Variants in POLR1D observed in about 807,000 individuals in gnomAD.
POLR1D encodes the protein DNA-directed RNA polymerases I and III subunit RPAC2.
In POLR1D, 8 loss-of-function variants were observed where a neutral mutation model predicts 10.8. That is an observed-to-expected ratio of 0.74 (90% CI 0.43 to 1.33). POLR1D has a LOEUF of 1.33. POLR1D is among the 40% of genes most tolerant of loss of function. The probability of loss-of-function intolerance (pLI) is 0.01; values close to 1 mark genes in which losing one functional copy is unlikely to be tolerated. For missense variants in POLR1D, 152 were observed against 161.7 expected, an observed-to-expected ratio of 0.94 and a Z score of 0.32; for synonymous variants, 54 against 57.2, an observed-to-expected ratio of 0.94 and a Z score of 0.25.
At chr13:27,627,727 GTTTTTTTTT>G (rs57621806), downstream of POLR1D, among the ~76,000 whole-genome samples, 16 of 95,424 alleles carry the variant, frequency 1.7e-4, no homozygotes, top group African/African-American at 4.8e-4. Flanking sequence ...TAAAGTTTTA[GTTTTTTTTT>G]TTTTTTTTTT....
intron 2 of POLR1D, chr13:27,661,064 G>A (rs1171053996): frequency 2.0e-5 from 3 of 152,208 alleles, no homozygotes; most frequent in African/African-American, 7.2e-5. Context: ...CAGCAAGAGA[G>A]ACAAAAAAGA....
At chr13:27,630,800 T>C (rs1006269949) in intron 1 of POLR1D, among the ~76,000 whole-genome samples, 14 of 152,242 alleles carry the variant, frequency 9.2e-5, no homozygotes, top group African/African-American at 1.7e-4. Context: ...GTTAAACTTA[T>C]GGTCTTCATA....
chr13:27,628,833 CTTTT>C, intron 1 of POLR1D, among the ~76,000 whole-genome samples: 1 of 152,088 alleles, frequency 6.6e-6, no homozygotes, highest in Non-Finnish European at 1.5e-5. Flanking sequence ...TTTTATTCTT[CTTTT>C]GAGACAGTCG....
chr13:27,649,932 AT>A (rs111878064), intron 2 of POLR1D: 17,793 of 397,034 alleles, frequency 0.045, 461 homozygotes, highest in Non-Finnish European at 0.054. Context: ...CTTACTTCTT[AT>A]TACCAACCAC....
intron 1 of POLR1D, among the ~76,000 whole-genome samples, chr13:27,632,111 C>T (rs574792743): frequency 1.3e-4 from 20 of 152,324 alleles, no homozygotes; most frequent in African/African-American, 4.3e-4. Context: ...ACACTACTAT[C>T]TTCACCACCT....
downstream of POLR1D, among the ~76,000 whole-genome samples, chr13:27,625,655 T>G (rs1956000963): frequency 6.7e-6 from 1 of 149,914 alleles, no homozygotes; most frequent in African/African-American, 2.5e-5. Context: ...TGACATAAAT[T>G]GATTAAAAAA....
At chr13:27,650,045 A>G (rs1257869969) in intron 2 of POLR1D, 3 of 398,356 alleles carry the variant, frequency 7.5e-6, no homozygotes, top group Non-Finnish European at 1.3e-5. Flanking sequence ...GTTACAGCTT[A>G]TTACAGGGAC....
At chr13:27,645,822 C>T (rs973333275) in intron 1 of POLR1D, among the ~76,000 whole-genome samples, 4 of 152,126 alleles carry the variant, frequency 2.6e-5, no homozygotes, top group Admixed American at 2.6e-4. Flanking sequence ...TCTTTGTACT[C>T]GTAAACCAGA....
At position 27,654,486 on chromosome 13, in the gene POLR1D, T is replaced by C. The variant is rs1956292424; in HGVS notation, c.101+6033T>C. Among the ~76,000 whole-genome samples the C allele has an allele frequency of 2.0e-5, 3 of 152,350 alleles. No homozygotes were observed. The South Asian group carries it at 6.2e-4, about 32-fold the overall frequency. ...TCAAGTTCACAGTTTGCCAAAATTC[T>C]AATTTTCTTTCATCTGGAAGCTCCA... On this transcript the variant is annotated intron_variant, in intron 2 of 2. Coordinates refer to the POLR1D transcript ENST00000399697.
intron 1 of POLR1D, among the ~76,000 whole-genome samples, chr13:27,645,610 G>A (rs1956212990): frequency 2.0e-5 from 3 of 152,230 alleles, no homozygotes; most frequent in Non-Finnish European, 2.9e-5. Context: ...CCTAACTTGG[G>A]TAGATCCGAA....
chr13:27,622,568 C>T (rs1955956808), intron 1 of POLR1D, among the ~76,000 whole-genome samples: 1 of 152,190 alleles, frequency 6.6e-6, no homozygotes, highest in Non-Finnish European at 1.5e-5. Flanking sequence ...CAGTCCTATT[C>T]TAATCCTATC....
intron 2 of POLR1D, chr13:27,650,069 A>T (rs934109307): frequency 2.8e-5 from 11 of 398,340 alleles, no homozygotes; most frequent in Non-Finnish European, 4.9e-5. Flanking sequence ...ATACAAACTA[A>T]AATCAGCCAA....
chr13:27,624,749 A>G (rs529316902), downstream of POLR1D, among the ~76,000 whole-genome samples: 67 of 152,256 alleles, frequency 4.4e-4, no homozygotes, highest in South Asian at 1.7e-3. Flanking sequence ...GTAGCCAGGC[A>G]TGGTGACACA....
chr13:27,636,775 A>G (rs1007948075), intron 1 of POLR1D, among the ~76,000 whole-genome samples: 1 of 152,074 alleles, frequency 6.6e-6, no homozygotes, highest in Non-Finnish European at 1.5e-5. Context: ...TCAATTGGGT[A>G]CCTATTCTAT....
downstream of POLR1D, among the ~76,000 whole-genome samples, chr13:27,624,778 C>T (rs1955991698): frequency 6.6e-6 from 1 of 152,052 alleles, no homozygotes; most frequent in Non-Finnish European, 1.5e-5. Flanking sequence ...GTCCCAGCTG[C>T]TTGGGAAGCT....
Position 27,621,902 on chromosome 13 carries a change from T to C in POLR1D, c.-82T>C. On this transcript the variant is annotated 5_prime_UTR_variant, in exon 1 of 2. Transcript: ENST00000302979. ...CTTCCGTCGGTCGGTCCTTGCTTCC[T>C]GCTTCGCCTCCGCGCCTCGCGCTAT... 2 of 1,459,878 alleles carry C rather than the reference T, an allele frequency of 1.4e-6. No homozygotes were observed. The highest frequency in any genetic ancestry group is 1.4e-5 in the African/African-American group (1 of 71,812). 90.4% of individuals were successfully genotyped at this position (1,459,878 alleles called of 1,614,324 possible).
chr13:27,666,254 G>T, exon 3 of POLR1D: 1 of 304,668 alleles, frequency 3.3e-6, no homozygotes, highest in Non-Finnish European at 6.0e-6. Context: ...AGAATTTAAA[G>T]TTTTCAGAGA....
At chr13:27,642,056 T>C (rs1340177051) in intron 1 of POLR1D, among the ~76,000 whole-genome samples, 2 of 152,174 alleles carry the variant, frequency 1.3e-5, no homozygotes, top group African/African-American at 4.8e-5. Context: ...CACTAGGCGC[T>C]GTCATCTCAA....
At chr13:27,632,332 T>C (rs1218953) in intron 1 of POLR1D, among the ~76,000 whole-genome samples, 13,066 of 152,276 alleles carry the variant, frequency 0.086, 767 homozygotes, top group Non-Finnish European at 0.11. Flanking sequence ...TTGAAAGGAT[T>C]TGATTCCAAG....
Sources: gnomAD v4.1 joint callset for allele counts (sites outside exome capture counted in the v4.1 genomes callset) on GRCh38, gnomAD v4.1.1 for gene constraint, MANE v1.5 for transcripts, NCBI Gene and HGNC (gene_info 2026-07-23, HGNC 2026-07-21) for gene names.